Variants in TMEM39B observed in about 807,000 individuals in gnomAD.
The protein encoded by TMEM39B is transmembrane protein 39B.
In TMEM39B, 23 loss-of-function variants were observed where a neutral mutation model predicts 52.2. That is an observed-to-expected ratio of 0.44 (90% CI 0.32 to 0.62). TMEM39B has a LOEUF of 0.62. Ranked by LOEUF, TMEM39B falls within the 20% of genes least tolerant of loss-of-function variation. TMEM39B has a pLI of 0.06. For missense variants in TMEM39B, 547 were observed against 642.0 expected, an observed-to-expected ratio of 0.85 and a Z score of 1.60; for synonymous variants, 285 against 264.0, an observed-to-expected ratio of 1.08 and a Z score of -0.77.
chr1:32,102,292 C>A, intron 8 of TMEM39B, 139 bp from the exon 9 acceptor site: 1 of 1,175,510 alleles, frequency 8.5e-7, no homozygotes, highest in Non-Finnish European at 1.2e-6. Context: ...CACATCCAAC[C>A]CCAGAAAGTC....
At chr1:32,097,595 G>A (rs2124497066) in intron 7 of TMEM39B, among the ~76,000 whole-genome samples, 1 of 152,074 alleles carries the variant, frequency 6.6e-6, no homozygotes, top group Admixed American at 6.6e-5. Context: ...CTCCCAAAGT[G>A]GAACTGGGAT....
intron 7 of TMEM39B, 104 bp downstream of exon 7, chr1:32,095,075 T>G (rs1275262465): frequency 7.5e-7 from 1 of 1,338,932 alleles, no homozygotes; most frequent in Non-Finnish European, 1.0e-6. Context: ...AAATAGTTAT[T>G]GAGCGTGTCT....
At chr1:32,085,583 T>C (rs1044913787) in intron 5 of TMEM39B, among the ~76,000 whole-genome samples, 2 of 152,054 alleles carry the variant, frequency 1.3e-5, no homozygotes, top group Non-Finnish European at 2.9e-5. Flanking sequence ...AAACCCTGTC[T>C]CTACTAAAAA....
At chr1:32,080,828 A>T (rs1557914198) in intron 5 of TMEM39B, among the ~76,000 whole-genome samples, 1 of 152,106 alleles carries the variant, frequency 6.6e-6, no homozygotes, top group Non-Finnish European at 1.5e-5. Context: ...CCAAATATAA[A>T]CATATTGTAA....
rs1355832914 is a variant in TMEM39B, at chr1:32,073,002, C to G, written c.-46C>G. On this transcript the variant is annotated 5_prime_UTR_variant, in exon 1 of 9. Coordinates refer to ENST00000336294, the MANE Select transcript of TMEM39B (RefSeq NM_018056.4). Reference sequence around the variant, plus strand: ...GGCCGCCGTCGCCTCCGACATATTGCCCGCAGGAGCTGCGGCGGCGAAGCG... The same window carrying G: ...GGCCGCCGTCGCCTCCGACATATTGGCCGCAGGAGCTGCGGCGGCGAAGCG... 2.0e-6 allele frequency: 3 copies of G among 1,532,742 alleles called. No individual in the cohort carries two copies. Among genetic ancestry groups the G allele is most frequent in the Non-Finnish European group, 2.6e-6 (3 of 1,138,130 alleles). 94.9% of individuals were successfully genotyped at this position (1,532,742 alleles called of 1,614,324 possible).
intron 5 of TMEM39B, chr1:32,087,898 T>G (rs890274215): frequency 4.7e-5 from 7 of 150,290 alleles, no homozygotes; most frequent in African/African-American, 1.7e-4. Context: ...TCCATCCGCC[T>G]CAGCCTCCCT....
intron 6 of TMEM39B, among the ~76,000 whole-genome samples, chr1:32,093,225 A>G (rs770765492): frequency 6.6e-6 from 1 of 151,368 alleles, no homozygotes; most frequent in Non-Finnish European, 1.5e-5. Context: ...CAGCCTCCCA[A>G]GTAGCTGGGA....
chr1:32,093,695 A>T (rs928173753), intron 6 of TMEM39B, among the ~76,000 whole-genome samples: 16 of 152,018 alleles, frequency 1.1e-4, no homozygotes, highest in Non-Finnish European at 2.1e-4. Flanking sequence ...TACAGGCGTA[A>T]GCCACTGCGC....
At chr1:32,076,936 A>G (rs1639887743) in intron 4 of TMEM39B, 90 bp downstream of exon 4, 2 of 1,472,470 alleles carry the variant, frequency 1.4e-6, no homozygotes, top group Non-Finnish European at 9.5e-7. Context: ...CTTCAGCCTT[A>G]GGGTATTTCC....
chr1:32,076,906 C>A (rs4317856), intron 4 of TMEM39B, 60 bp downstream of exon 4: 128,467 of 1,566,602 alleles, frequency 0.082, 7,423 homozygotes, highest in South Asian at 0.23. Flanking sequence ...CCTGGGGATG[C>A]CAAGGAAACA....
At chr1:32,090,853 G>A (rs1038989902) in intron 5 of TMEM39B, among the ~76,000 whole-genome samples, 2 of 151,966 alleles carry the variant, frequency 1.3e-5, no homozygotes, top group Admixed American at 1.3e-4. Flanking sequence ...TGTTAGCCAG[G>A]ATGGTCTCAA....
chr1:32,096,528 T>G (rs1448221319), intron 7 of TMEM39B, among the ~76,000 whole-genome samples: 1 of 147,010 alleles, frequency 6.8e-6, no homozygotes, highest in African/African-American at 2.5e-5. Flanking sequence ...GGCACAATCT[T>G]GGCTCATTGC....
At chr1:32,075,264 A>G (rs1557909201) in intron 2 of TMEM39B, among the ~76,000 whole-genome samples, 187 bp downstream of exon 2, 1 of 152,176 alleles carries the variant, frequency 6.6e-6, no homozygotes, top group African/African-American at 2.4e-5. Flanking sequence ...GCAGTGGGAC[A>G]TGGTAGAATA....
At chr1:32,073,833 G>A in intron 1 of TMEM39B, 1 of 985,370 alleles carries the variant, frequency 1.0e-6, no homozygotes, top group Non-Finnish European at 1.2e-6. Context: ...CTACGGCGTG[G>A]GGTGTATGTG....
At chr1:32,078,245 A>G (rs1166025834) in intron 5 of TMEM39B, among the ~76,000 whole-genome samples, 1 of 152,154 alleles carries the variant, frequency 6.6e-6, no homozygotes, top group Non-Finnish European at 1.5e-5. Context: ...AGCACTTTGG[A>G]GGCCAAGACA....
chr1:32,094,530 T>C (rs142240099), intron 6 of TMEM39B, among the ~76,000 whole-genome samples: 30 of 152,280 alleles, frequency 2.0e-4, no homozygotes, highest in Middle Eastern at 3.4e-3. Flanking sequence ...CAGATTTGAA[T>C]TCAGGTCTCT....
At chr1:32,072,289 C>G (rs1639680175), upstream of TMEM39B, 1 of 152,146 alleles carries the variant, frequency 6.6e-6, no homozygotes, top group Non-Finnish European at 1.5e-5. Context: ...ATCGTGATGG[C>G]TAATACTAAA....
At chr1:32,090,011 A>T (rs1461181816) in intron 5 of TMEM39B, among the ~76,000 whole-genome samples, 2 of 151,714 alleles carry the variant, frequency 1.3e-5, no homozygotes, top group African/African-American at 4.8e-5. Context: ...CCTGAGCAAC[A>T]GAGTGAGACT....
rs932727437 is a variant in TMEM39B, at chr1:32,074,956, C to T, written c.10C>T (p.Arg4Ter). The T allele has an allele frequency of 2.6e-6, 4 of 1,550,608 alleles. No homozygotes were observed. Among genetic ancestry groups the T allele is most frequent in the Non-Finnish European group, 2.6e-6 (3 of 1,146,592 alleles). Reference sequence around the variant, plus strand: ...TTTTATGTTGAGCCCCACAGGAGGACGAAGAGGTCCCAACAGGACATCTTA... The same window carrying T: ...TTTTATGTTGAGCCCCACAGGAGGATGAAGAGGTCCCAACAGGACATCTTA... MGG[R>*]RGPNRTSYCR... is the part of the protein sequence containing the mutation. Residue 4 changes from arginine (R) to a stop codon, truncating the protein, a stop_gained, in exon 2 of 9, where the codon CGA (arginine) becomes TGA (stop). Coordinates refer to ENST00000336294, the MANE Select transcript of TMEM39B (RefSeq NM_018056.4). LOFTEE classifies it high-confidence loss of function.
Sources: gnomAD v4.1 joint callset for allele counts (sites outside exome capture counted in the v4.1 genomes callset) on GRCh38, gnomAD v4.1.1 for gene constraint, MANE v1.5 for transcripts, NCBI Gene and HGNC (gene_info 2026-07-23, HGNC 2026-07-21) for gene names.